Variants in IGF2R observed in about 807,000 individuals in gnomAD.
IGF2R encodes the protein cation-independent mannose-6-phosphate receptor.
IGF2R carries 91 observed loss-of-function variants against 270.6 expected under a neutral mutation model. That is an observed-to-expected ratio of 0.34 (90% CI 0.28 to 0.40). The LOEUF (loss-of-function observed/expected upper bound fraction) is 0.40. IGF2R is among the 10% of genes least tolerant of loss of function. The pLI is 1.00. For synonymous variants in IGF2R, 1,316 were observed against 1,258.9 expected, an observed-to-expected ratio of 1.05 and a Z score of -0.96; for missense variants, 2,805 against 3,188.3, an observed-to-expected ratio of 0.88 and a Z score of 2.90.
intron 6 of IGF2R, 143 bp from the exon 7 acceptor site, chr6:160,029,407 C>T: frequency 1.9e-6 from 1 of 528,822 alleles, no homozygotes. Flanking sequence ...TCATTTTATA[C>T]CATATCTACT....
Position 160,105,246 on chromosome 6 carries a change from C to G in IGF2R, c.*162C>G. ...GGGAGAGGGTGAAGGAGGTCAGGCCCCACTCCTTCCTGATTGTTTACAGTC... is the reference window on the plus strand; with the variant it reads ...GGGAGAGGGTGAAGGAGGTCAGGCCGCACTCCTTCCTGATTGTTTACAGTC... On this transcript the variant is annotated 3_prime_UTR_variant, in exon 48 of 48. Coordinates refer to ENST00000356956, the MANE Select transcript of IGF2R (RefSeq NM_000876.4). 1.6e-6 allele frequency: 1 copy of G among 609,206 alleles called. No homozygotes were observed. The highest frequency in any genetic ancestry group is 2.9e-6 in the Non-Finnish European group (1 of 350,552). The allele number at this position is 609,206 out of a possible 1,614,324, so 37.7% of individuals were successfully genotyped here. A position where few individuals can be genotyped will look rare whatever the true frequency, so the allele number is the denominator to read the frequency against.
At chr6:160,006,078 C>G (rs1374545995) in intron 2 of IGF2R, 2 of 158,622 alleles carry the variant, frequency 1.3e-5, no homozygotes, top group African/African-American at 4.8e-5. Flanking sequence ...CTCCGTGCCC[C>G]ATGCGCCTCA....
chr6:160,099,525 C>G (rs1370388920), intron 45 of IGF2R, among the ~76,000 whole-genome samples: 1 of 152,134 alleles, frequency 6.6e-6, no homozygotes, highest in Non-Finnish European at 1.5e-5. Flanking sequence ...CGCTACCATG[C>G]CCGGCTAATT....
chr6:160,090,185 T>C (rs2114731288), intron 44 of IGF2R, 82 bp downstream of exon 44: 1 of 1,017,192 alleles, frequency 9.8e-7, no homozygotes, highest in East Asian at 2.9e-5. Context: ...CTCCCTTCAG[T>C]TGAAATCTCG....
At chr6:160,055,656 C>G (rs1778296487) in intron 19 of IGF2R, among the ~76,000 whole-genome samples, 1 of 152,126 alleles carries the variant, frequency 6.6e-6, no homozygotes, top group South Asian at 2.1e-4. Context: ...GCTGTTGTTC[C>G]TGAACCCGTG....
intron 10 of IGF2R, among the ~76,000 whole-genome samples, chr6:160,036,736 A>G (rs76803313): frequency 1.6e-3 from 239 of 152,248 alleles, no homozygotes; most frequent in Admixed American, 4.4e-3. Flanking sequence ...AAAACACAGG[A>G]GAGAAAAACC....
intron 22 of IGF2R, among the ~76,000 whole-genome samples, chr6:160,059,663 A>T (rs1398953676): frequency 1.3e-5 from 2 of 152,246 alleles, no homozygotes; most frequent in Non-Finnish European, 2.9e-5. Flanking sequence ...TACCTAGAGT[A>T]GAAGCCAGTG....
chr6:160,018,792 T>A (rs1348309738), intron 4 of IGF2R, among the ~76,000 whole-genome samples: 1 of 151,898 alleles, frequency 6.6e-6, no homozygotes, highest in East Asian at 1.9e-4. Context: ...ATACACAGCA[T>A]AAAACCTGCG....
At position 160,080,248 on chromosome 6, in the gene IGF2R, G is replaced by A; in HGVS notation, c.5806G>A (p.Asp1936Asn). 2 of 1,614,104 alleles carry A rather than the reference G, an allele frequency of 1.2e-6. No individual in the cohort carries two copies. Among genetic ancestry groups the A allele is most frequent in the South Asian group, 2.2e-5 (2 of 91,074 alleles). ...TAGCACAACTGCGGACTACGACAGA[G>A]ACCACGAGTGGGGCTTCTGCAGACA... ...WCSTTADYDRDHEWGFCRHSN... is the reference protein window; with the variant it reads ...WCSTTADYDRNHEWGFCRHSN... Residue 1936 changes from aspartate to asparagine, a missense_variant, in exon 39 of 48, where the codon GAC becomes AAC. Asp to Asn is a conservative substitution (Grantham distance 23). Around this residue, in one of 2 missense-constraint regions of IGF2R, gnomAD observed 1,851 missense variants for 2,207.2 expected, o/e 0.84. Coordinates refer to ENST00000356956, the MANE Select transcript of IGF2R (RefSeq NM_000876.4).
chr6:159,980,290 C>T (rs917437634), intron 1 of IGF2R, among the ~76,000 whole-genome samples: 2 of 152,006 alleles, frequency 1.3e-5, no homozygotes, highest in Non-Finnish European at 2.9e-5. Context: ...TATGAGATCC[C>T]TAGGTGAGGG....
chr6:160,054,157 G>A (rs1466490043), intron 19 of IGF2R, among the ~76,000 whole-genome samples: 1 of 152,226 alleles, frequency 6.6e-6, no homozygotes, highest in East Asian at 1.9e-4. Context: ...CAAGCGCTGG[G>A]AGGGAGGAAG....
Position 160,010,427 on chromosome 6 carries a change from A to G in IGF2R, c.415-260A>G, listed in dbSNP as rs1583257631. 1.5e-5 allele frequency: 5 copies of G among 325,916 alleles called. No individual in the cohort carries two copies. The East Asian group carries it at 2.1e-4, about 14-fold the overall frequency. 20.2% of individuals were successfully genotyped at this position (325,916 alleles called of 1,614,324 possible). A position where few individuals can be genotyped will look rare whatever the true frequency, so the allele number is the denominator to read the frequency against. ...GGATTTCTTCCCATGAACTCACTCA[A>G]TGTACTTGCACAGCTGGGGCGGTAG... On this transcript the variant is annotated intron_variant, in intron 3 of 47. Coordinates refer to ENST00000356956, the MANE Select transcript of IGF2R (RefSeq NM_000876.4).
chr6:160,012,764 T>TATATATATATATATATATATATATATATA (rs538085462), intron 4 of IGF2R, among the ~76,000 whole-genome samples: 3 of 60,432 alleles, frequency 5.0e-5, no homozygotes, highest in Non-Finnish European at 7.3e-5. Flanking sequence ...TATATATATA[T>TATATATATATATATATATATATATATATA]TTTTTTTTTT....
rs191205351 is a variant in IGF2R at position 159,973,863 on chromosome 6, A to G, written c.149+4468A>G. On this transcript the variant is annotated intron_variant, in intron 1 of 47. Coordinates refer to ENST00000356956, the MANE Select transcript of IGF2R (RefSeq NM_000876.4). ...CTATTTTGATCTTGGTATATAAACTATTGTATTGGGGAAAGAACTGAGCAG... is the reference window on the plus strand; with the variant it reads ...CTATTTTGATCTTGGTATATAAACTGTTGTATTGGGGAAAGAACTGAGCAG... Among the ~76,000 whole-genome samples the G allele has an allele frequency of 2.4e-3, 369 of 152,288 alleles. 1 individual carries two copies. The highest frequency in any genetic ancestry group is 3.8e-3 in the Non-Finnish European group (261 of 68,030).
rs2297358 is a variant in IGF2R at position 160,040,807 on chromosome 6, T to G, written c.1480+83T>G. On this transcript the variant is annotated intron_variant, in intron 11 of 47. Transcript: ENST00000356956. Reference sequence around the variant, plus strand: ...TGAGTACTTTTGGAAATGCGGTTACTATTTTCTTTGTCAGTGGGTTGCGTC... The same window carrying G: ...TGAGTACTTTTGGAAATGCGGTTACGATTTTCTTTGTCAGTGGGTTGCGTC... 3.5e-6 allele frequency: 5 copies of G among 1,420,258 alleles called. No individual in the cohort carries two copies. The African/African-American group carries it at 5.7e-5, about 16-fold the overall frequency. The allele number at this position is 1,420,258 out of a possible 1,614,324, so 88.0% of individuals were successfully genotyped here.
At chr6:160,080,020 G>C in intron 38 of IGF2R, 109 bp from the exon 39 acceptor site, 1 of 1,334,208 alleles carries the variant, frequency 7.5e-7, no homozygotes, top group Non-Finnish European at 1.0e-6. Flanking sequence ...CGGTTGTCAC[G>C]TAGGTGCTTT....
At position 159,998,795 on chromosome 6, in the gene IGF2R, T is replaced by C. The variant is rs1037401459; in HGVS notation, c.289+7472T>C. On this transcript the variant is annotated intron_variant, in intron 2 of 47. Transcript: ENST00000356956. This position sits in a 1 kb window ranked among gnomAD's most constrained non-coding sequence, Gnocchi z 4.1. ...AATGAGAGTGACATTCACAGTAGCA[T>C]AGGGATAATCCCGAATCAAATCTAA... Among the ~76,000 whole-genome samples the C allele has an allele frequency of 6.6e-6, 1 of 152,234 alleles. No individual in the cohort carries two copies. The highest frequency in any genetic ancestry group is 1.5e-5 in the Non-Finnish European group (1 of 68,036).
intron 1 of IGF2R, among the ~76,000 whole-genome samples, chr6:159,988,172 T>C (rs963861249): frequency 1.3e-5 from 2 of 152,206 alleles, no homozygotes; most frequent in African/African-American, 4.8e-5. Flanking sequence ...AAACACACTC[T>C]TTACCTTATT....
At chr6:159,995,586 G>T (rs1258651609) in intron 2 of IGF2R, among the ~76,000 whole-genome samples, 1 of 152,066 alleles carries the variant, frequency 6.6e-6, no homozygotes, top group African/African-American at 2.4e-5. Flanking sequence ...TAAGCTATTA[G>T]ATTCTCTTTT....
Sources: allele counts gnomAD v4.1 joint callset (sites outside exome capture counted in the v4.1 genomes callset), GRCh38; gene constraint gnomAD v4.1.1; regional missense constraint gnomAD v4.1.1; non-coding constraint Gnocchi (gnomAD v3.1); transcripts MANE v1.5; gene names NCBI Gene and HGNC (gene_info 2026-07-23, HGNC 2026-07-21).